The following BBX variants were observed in gnomAD, a reference collection of about 807,000 sequenced individuals.
BBX encodes HMG box transcription factor BBX.
In BBX, 30 loss-of-function variants were observed where a neutral mutation model predicts 100.2. The ratio of observed to expected loss-of-function variants is 0.30; its 90% CI spans 0.22 to 0.41. BBX has a LOEUF of 0.41. Ranked by LOEUF, BBX falls within the 10% of genes least tolerant of loss-of-function variation. The pLI is 1.00. For synonymous variants in BBX, 376 were observed against 388.1 expected, an observed-to-expected ratio of 0.97 and a Z score of 0.37; for missense variants, 1,023 against 1,129.8, an observed-to-expected ratio of 0.91 and a Z score of 1.35.
chr3:107,623,071 A>G (rs182987985), intron 2 of BBX, among the ~76,000 whole-genome samples: 2 of 152,292 alleles, frequency 1.3e-5, no homozygotes, highest in East Asian at 3.9e-4. Flanking sequence ...GTTCATAAAT[A>G]ACTTGAAGGA....
At chr3:107,571,638 C>T (rs2051371092) in intron 2 of BBX, among the ~76,000 whole-genome samples, 1 of 152,152 alleles carries the variant, frequency 6.6e-6, no homozygotes, top group Non-Finnish European at 1.5e-5. Flanking sequence ...GTGGATCTCC[C>T]CACAGAGTGA....
intron 3 of BBX, among the ~76,000 whole-genome samples, chr3:107,670,731 A>C (rs1452358394): frequency 6.6e-6 from 1 of 152,110 alleles, no homozygotes; most frequent in Non-Finnish European, 1.5e-5. Flanking sequence ...AATAAGAAAT[A>C]GTAGAGGGAA....
Position 107,778,353 on chromosome 3 carries a change from C to G in BBX, c.2055-18C>G. On this transcript the variant is annotated intron_variant, in intron 12 of 17. Coordinates refer to ENST00000325805, the MANE Select transcript of BBX (RefSeq NM_001142568.3). ...ATTTGGTCATGTGCTGATTGATTCC[C>G]CTCTCCCCTTTTAATAGCTCCGCAA... 1 of 1,612,662 alleles carries G rather than the reference C, an allele frequency of 6.2e-7. No homozygotes were observed. The highest frequency in any genetic ancestry group is 8.5e-7 in the Non-Finnish European group (1 of 1,179,084).
chr3:107,575,120 A>G (rs577263345), intron 2 of BBX, among the ~76,000 whole-genome samples: 108 of 152,316 alleles, frequency 7.1e-4, no homozygotes, highest in African/African-American at 2.5e-3. Context: ...CCTAAAAACA[A>G]TTCGTCTCAG....
At chr3:107,613,941 GTTTTTTTTT>G (rs533672871) in intron 2 of BBX, among the ~76,000 whole-genome samples, 10 of 86,542 alleles carry the variant, frequency 1.2e-4, no homozygotes, top group African/African-American at 3.7e-4. Context: ...ACATACCATG[GTTTTTTTTT>G]TTTTTTTTTT....
At chr3:107,768,585 G>A (rs574855337) in intron 10 of BBX, among the ~76,000 whole-genome samples, 1 of 152,050 alleles carries the variant, frequency 6.6e-6, no homozygotes, top group East Asian at 1.9e-4. Flanking sequence ...ATTTTGAAGA[G>A]ATAAACTTAA....
intron 13 of BBX, among the ~76,000 whole-genome samples, chr3:107,789,105 G>C (rs2068721091): frequency 6.6e-6 from 1 of 152,078 alleles, no homozygotes; most frequent in African/African-American, 2.4e-5. Flanking sequence ...AGTTGCAGCT[G>C]TTGGTAGGTG....
intron 3 of BBX, among the ~76,000 whole-genome samples, chr3:107,687,546 C>T (rs745593628): frequency 6.6e-6 from 1 of 152,120 alleles, no homozygotes; most frequent in East Asian, 1.9e-4. Flanking sequence ...GGTCATCTAG[C>T]CCAACTTTTT....
chr3:107,775,273 C>A (rs1173557551), intron 12 of BBX, among the ~76,000 whole-genome samples: 1 of 152,088 alleles, frequency 6.6e-6, no homozygotes, highest in East Asian at 1.9e-4. Flanking sequence ...AATTATGCTT[C>A]TATCGCCAAC....
chr3:107,666,311 A>G (rs1310234138), intron 3 of BBX, among the ~76,000 whole-genome samples: 1 of 152,200 alleles, frequency 6.6e-6, no homozygotes, highest in Admixed American at 6.5e-5. Context: ...AGCGATACAG[A>G]ATGTGTACAT....
chr3:107,738,038 G>C (rs1321581064), intron 7 of BBX, among the ~76,000 whole-genome samples: 1 of 150,848 alleles, frequency 6.6e-6, no homozygotes, highest in African/African-American at 2.4e-5. Flanking sequence ...ATTTTTTTGA[G>C]CATTTCAGAT....
chr3:107,779,020 T>TATATATATATACACACAC (rs1449263925), intron 13 of BBX, among the ~76,000 whole-genome samples: 2 of 95,816 alleles, frequency 2.1e-5, no homozygotes, highest in African/African-American at 8.2e-5. Context: ...TATATATATA[T>TATATATATATACACACAC]ACACACACAC....
chr3:107,532,506 T>C (rs1367883762), intron 2 of BBX, among the ~76,000 whole-genome samples: 4 of 152,180 alleles, frequency 2.6e-5, no homozygotes, highest in African/African-American at 9.7e-5. Context: ...GATTGAGAAG[T>C]GTTACATATG....
intron 5 of BBX, among the ~76,000 whole-genome samples, chr3:107,719,599 A>G (rs1031454463): frequency 2.0e-5 from 3 of 151,986 alleles, no homozygotes; most frequent in African/African-American, 4.8e-5. Flanking sequence ...CTGATTGCAC[A>G]TTTTGTGTTC....
intron 3 of BBX, among the ~76,000 whole-genome samples, chr3:107,664,721 G>A (rs778558719): frequency 1.3e-5 from 2 of 152,186 alleles, no homozygotes; most frequent in Non-Finnish European, 2.9e-5. Flanking sequence ...AAAACTGTCA[G>A]CTGTTTCTGA....
intron 7 of BBX, 82 bp from the exon 8 acceptor site, chr3:107,744,548 C>T (rs2064406552): frequency 3.0e-6 from 3 of 1,011,540 alleles, no homozygotes; most frequent in Admixed American, 1.9e-5. Context: ...TAATAAAGAT[C>T]GCAAATGAAG....
intron 3 of BBX, among the ~76,000 whole-genome samples, chr3:107,683,933 G>A (rs1057456596): frequency 8.5e-5 from 13 of 152,072 alleles, no homozygotes; most frequent in African/African-American, 3.1e-4. Flanking sequence ...ATTCTATTGT[G>A]GTAATGGTAA....
intron 15 of BBX, among the ~76,000 whole-genome samples, chr3:107,797,347 T>C (rs1287600186): frequency 8.3e-6 from 1 of 119,784 alleles, no homozygotes; most frequent in African/African-American, 3.0e-5. Context: ...AATATATATA[T>C]ATATATATAT....
At chr3:107,634,119 A>C (rs1173912508) in intron 2 of BBX, among the ~76,000 whole-genome samples, 1 of 152,216 alleles carries the variant, frequency 6.6e-6, no homozygotes, top group Admixed American at 6.5e-5. Flanking sequence ...TGATGCTACT[A>C]AGTTTAGACT....
Sources: gnomAD v4.1 joint callset for allele counts (sites outside exome capture counted in the v4.1 genomes callset) on GRCh38, gnomAD v4.1.1 for gene constraint, MANE v1.5 for transcripts, NCBI Gene and HGNC (gene_info 2026-07-23, HGNC 2026-07-21) for gene names.